The following MTUS2 variants were observed in gnomAD, a reference collection of about 807,000 sequenced individuals.
MTUS2 encodes the protein microtubule associated scaffold protein 2, also known as microtubule-associated tumor suppressor candidate 2.
A neutral mutation model predicts 114.1 loss-of-function variants in MTUS2; 40 were observed. The observed-to-expected ratio is 0.35, with a 90% CI of 0.27 to 0.46. The LOEUF (loss-of-function observed/expected upper bound fraction) is 0.46. Among genes scored for constraint, MTUS2 ranks in the 20% least tolerant of loss-of-function variants. MTUS2 has a pLI of 1.00. For missense variants in MTUS2, 1,679 were observed against 1,705.4 expected (o/e 0.98, Z 0.27); for synonymous variants, 688 against 672.0 (o/e 1.02, Z -0.37).
intron 4 of MTUS2, among the ~76,000 whole-genome samples, chr13:29,044,121 CT>C (rs1450486174): frequency 3.3e-5 from 5 of 151,962 alleles, no homozygotes; most frequent in African/African-American, 1.2e-4. Flanking sequence ...TGAAGGACTT[CT>C]TTTAACATTT....
chr13:28,958,195 A>G (rs1255946656), intron 2 of MTUS2, among the ~76,000 whole-genome samples: 1 of 152,198 alleles, frequency 6.6e-6, no homozygotes, highest in African/African-American at 2.4e-5. Flanking sequence ...TGGAATCCTC[A>G]GCTCCCAGCC....
chr13:28,869,195 A>G (rs1262187567), intron 2 of MTUS2, among the ~76,000 whole-genome samples: 2 of 152,192 alleles, frequency 1.3e-5, no homozygotes, highest in Non-Finnish European at 2.9e-5. Context: ...CACTCGTTGG[A>G]CCTAGCTCTT....
intron 5 of MTUS2, among the ~76,000 whole-genome samples, chr13:29,198,921 T>A (rs1044366048): frequency 6.6e-6 from 1 of 152,168 alleles, no homozygotes; most frequent in Non-Finnish European, 1.5e-5. Flanking sequence ...TGATTATGTA[T>A]CCTGAGACTT....
intron 4 of MTUS2, among the ~76,000 whole-genome samples, chr13:29,039,992 T>G (rs1219523939): frequency 6.6e-6 from 1 of 152,220 alleles, no homozygotes; most frequent in African/African-American, 2.4e-5. Context: ...TTTCAGTAGT[T>G]TTTGGGGGAA....
chr13:29,324,312 A>G (rs1297668454), intron 6 of MTUS2, among the ~76,000 whole-genome samples: 1 of 152,156 alleles, frequency 6.6e-6, no homozygotes, highest in African/African-American at 2.4e-5. Flanking sequence ...TAATTCCCAG[A>G]TAGTTTGGTC....
chr13:28,939,777 G>A (rs1408939991), intron 2 of MTUS2, among the ~76,000 whole-genome samples: 3 of 152,056 alleles, frequency 2.0e-5, no homozygotes, highest in African/African-American at 4.8e-5. Context: ...GTCTTAGTCC[G>A]TTTTCATGCT....
In MTUS2 at chr13:28,904,934, C is replaced by G. The variant is rs537083359; in HGVS notation, c.-243+65084C>G. ...TTGTATCCTCTTTTATTTCATTGAG[C>G]AGTGGTTTGTAGTTCTCCTTGAAGA... On this transcript the variant is annotated intron_variant, in intron 2 of 15. Coordinates refer to ENST00000612955, the MANE Select transcript of MTUS2 (RefSeq NM_001033602.4). 2.0e-3 allele frequency among the ~76,000 whole-genome samples: 305 copies of G among 151,522 alleles called. 1 individual carries two copies. The highest frequency in any genetic ancestry group is 7.2e-3 in the African/African-American group (295 of 40,954).
chr13:29,391,631 C>T (rs1412197760), intron 8 of MTUS2, among the ~76,000 whole-genome samples: 2 of 101,686 alleles, frequency 2.0e-5, no homozygotes, highest in Non-Finnish European at 4.1e-5. Context: ...TCTTTGTTTG[C>T]TTTTTTAAAA....
At position 28,953,418 on chromosome 13, in the gene MTUS2, A is replaced by T. The variant is rs2138183758; in HGVS notation, c.-242-71039A>T. ...CAGCTACTTGGGAGACTGAGAATGG[A>T]GAATCTCTTGAAATCTGGACGTGGA... On this transcript the variant is annotated intron_variant, in intron 2 of 15. Coordinates refer to ENST00000612955, the MANE Select transcript of MTUS2 (RefSeq NM_001033602.4). 2.0e-5 allele frequency among the ~76,000 whole-genome samples: 3 copies of T among 152,288 alleles called. No individual in the cohort carries two copies. In the Middle Eastern group the frequency reaches 0.01, roughly 518 times the overall value.
At chr13:29,080,574 A>G (rs1199103798) in intron 4 of MTUS2, among the ~76,000 whole-genome samples, 1 of 152,218 alleles carries the variant, frequency 6.6e-6, no homozygotes, top group Non-Finnish European at 1.5e-5. Context: ...AGCATCCAGC[A>G]CAAATGTAGG....
chr13:29,062,620 A>G (rs1888474948), intron 4 of MTUS2, among the ~76,000 whole-genome samples: 1 of 151,994 alleles, frequency 6.6e-6, no homozygotes, highest in Non-Finnish European at 1.5e-5. Flanking sequence ...TTCAGTTCTC[A>G]GATAGGAAAC....
At chr13:29,007,896 G>A (rs996868053) in intron 2 of MTUS2, among the ~76,000 whole-genome samples, 3 of 152,168 alleles carry the variant, frequency 2.0e-5, no homozygotes, top group African/African-American at 7.2e-5. Context: ...AAAGTTATTT[G>A]TGGATTTTCA....
chr13:29,415,416 A>G (rs1328054114), intron 8 of MTUS2, among the ~76,000 whole-genome samples: 2 of 152,210 alleles, frequency 1.3e-5, no homozygotes, highest in Non-Finnish European at 1.5e-5. Context: ...TATAAGTGTT[A>G]CATCTTCATC....
intron 2 of MTUS2, among the ~76,000 whole-genome samples, chr13:28,936,877 C>G (rs369415458): frequency 6.6e-6 from 1 of 152,152 alleles, no homozygotes. Context: ...TGTTAATATT[C>G]AAAATGGTGT....
chr13:29,112,026 C>T (rs1681467019), intron 5 of MTUS2, among the ~76,000 whole-genome samples: 1 of 152,108 alleles, frequency 6.6e-6, no homozygotes, highest in Admixed American at 6.5e-5. Context: ...AGACATCCAT[C>T]CTATAACTAC....
intron 7 of MTUS2, among the ~76,000 whole-genome samples, chr13:29,350,146 A>G (rs973126103): frequency 1.3e-5 from 2 of 152,034 alleles, no homozygotes; most frequent in African/African-American, 4.8e-5. Context: ...TCTTAAAATA[A>G]CATTTATTTA....
chr13:29,432,121 G>C (rs1232441506), intron 8 of MTUS2, among the ~76,000 whole-genome samples: 1 of 150,106 alleles, frequency 6.7e-6, no homozygotes. Context: ...CCAAAATGTT[G>C]GGATAATAGG....
chr13:29,153,248 A>G (rs539907628), intron 5 of MTUS2, among the ~76,000 whole-genome samples: 1 of 152,286 alleles, frequency 6.6e-6, no homozygotes, highest in East Asian at 1.9e-4. Flanking sequence ...GGTCCTGTTA[A>G]CCTACCATCA....
chr13:29,176,766 T>C (rs755897946), intron 5 of MTUS2, among the ~76,000 whole-genome samples: 1 of 145,206 alleles, frequency 6.9e-6, no homozygotes, highest in Non-Finnish European at 1.5e-5. Flanking sequence ...ACATATGAAT[T>C]TGGGGGCACC....
Sources: allele counts gnomAD v4.1 joint callset (sites outside exome capture counted in the v4.1 genomes callset), GRCh38; gene constraint gnomAD v4.1.1; transcripts MANE v1.5; gene names NCBI Gene and HGNC (gene_info 2026-07-23, HGNC 2026-07-21).